PEAK1: variants seen among roughly 807,000 people sequenced by gnomAD.
PEAK1 encodes the protein inactive tyrosine-protein kinase PEAK1.
PEAK1 carries 54 observed loss-of-function variants against 124.7 expected under a neutral mutation model. The observed-to-expected ratio is 0.43, with a 90% CI of 0.35 to 0.54. The LOEUF (loss-of-function observed/expected upper bound fraction) is 0.54. Among genes scored for constraint, PEAK1 ranks in the 20% least tolerant of loss-of-function variants. The pLI is 0.01. For synonymous variants in PEAK1, 719 were observed against 760.0 expected, an observed-to-expected ratio of 0.95 and a Z score of 0.89; for missense variants, 2,046 against 2,134.5, an observed-to-expected ratio of 0.96 and a Z score of 0.82.
At chr15:77,257,546 T>C (rs1196870041) in intron 5 of PEAK1, among the ~76,000 whole-genome samples, 2 of 151,672 alleles carry the variant, frequency 1.3e-5, no homozygotes, top group East Asian at 3.8e-4. Context: ...TGTCTGTTCA[T>C]GTCCTTCGCC....
intron 2 of PEAK1, chr15:77,349,074 C>G: frequency 1.2e-6 from 1 of 836,192 alleles, no homozygotes; most frequent in Non-Finnish European, 1.4e-6. Context: ...GAGTCTCACT[C>G]TGTCGCCCAG....
intron 1 of PEAK1, among the ~76,000 whole-genome samples, chr15:77,375,196 G>A (rs2068916375): frequency 6.6e-6 from 1 of 152,252 alleles, no homozygotes; most frequent in Admixed American, 6.5e-5. Flanking sequence ...AGAATGCAAG[G>A]TGCTTTACCT....
rs558535205 is a variant in PEAK1 at position 77,401,797 on chromosome 15, A to G, written c.-666+18209T>C. The G allele has an allele frequency of 7.1e-6, 7 of 984,558 alleles. No homozygotes were observed. In the African/African-American group the frequency reaches 1.2e-4, roughly 17 times the overall value. 61.0% of individuals were successfully genotyped at this position (984,558 alleles called of 1,614,324 possible). ...TCTGTATTGGAATTTTAAAGTTCCA[A>G]TAAAAATTATTTACAACATGATTAC... On this transcript the variant is annotated intron_variant, in intron 1 of 9. Coordinates refer to ENST00000682557, the MANE Select transcript of PEAK1 (RefSeq NM_001385026.1).
intron 5 of PEAK1, among the ~76,000 whole-genome samples, chr15:77,264,784 C>T (rs2061628852): frequency 1.3e-5 from 2 of 152,110 alleles, no homozygotes; most frequent in African/African-American, 4.8e-5. Flanking sequence ...CAAAAAAGAG[C>T]CCGCATCGCC....
chr15:77,312,069 T>C (rs1567242351), intron 2 of PEAK1, among the ~76,000 whole-genome samples: 1 of 151,860 alleles, frequency 6.6e-6, no homozygotes, highest in Non-Finnish European at 1.5e-5. Context: ...GTAAAGGAAA[T>C]AAAGAAAACG....
At chr15:77,101,237 A>G (rs2050691255) in exon 7 of PEAK1, 1 of 152,222 alleles carries the variant, frequency 6.6e-6, no homozygotes, top group Non-Finnish European at 1.5e-5. Context: ...CTATGTCACC[A>G]TCGGCAGGTA....
chr15:77,334,697 T>C, intron 2 of PEAK1: 1 of 985,358 alleles, frequency 1.0e-6, no homozygotes, highest in Non-Finnish European at 1.2e-6. Flanking sequence ...TTTAACAATG[T>C]GTGTGCTACA....
chr15:77,345,618 A>C (rs1013276200), intron 2 of PEAK1, among the ~76,000 whole-genome samples: 1 of 152,228 alleles, frequency 6.6e-6, no homozygotes, highest in Non-Finnish European at 1.5e-5. Context: ...ACTGCGGCAT[A>C]CATCAATATA....
intron 3 of PEAK1, 30 bp from the exon 4 acceptor site, chr15:77,285,085 A>G (rs893871953): frequency 2.6e-5 from 4 of 151,634 alleles, no homozygotes; most frequent in African/African-American, 9.7e-5. Context: ...TCGTCTCAAA[A>G]AAAAAAAAAA....
intron 1 of PEAK1, among the ~76,000 whole-genome samples, chr15:77,415,370 T>C (rs548161540): frequency 6.6e-6 from 1 of 152,212 alleles, no homozygotes; most frequent in Non-Finnish European, 1.5e-5. Context: ...AACTACAGAC[T>C]ATCTTTTTTT....
At chr15:77,258,311 C>T (rs2061270308) in intron 5 of PEAK1, among the ~76,000 whole-genome samples, 1 of 152,146 alleles carries the variant, frequency 6.6e-6, no homozygotes, top group African/African-American at 2.4e-5. Context: ...TATAAATTAC[C>T]TTGGGCAGTA....
chr15:77,392,373 G>C (rs2070541047), intron 1 of PEAK1, among the ~76,000 whole-genome samples: 1 of 152,230 alleles, frequency 6.6e-6, no homozygotes, highest in African/African-American at 2.4e-5. Flanking sequence ...ATAGAATAAA[G>C]TAAAATATAG....
At chr15:77,278,553 C>A in intron 5 of PEAK1, 1 of 495,122 alleles carries the variant, frequency 2.0e-6, no homozygotes, top group Non-Finnish European at 4.0e-6. Flanking sequence ...AGGTTGTCTA[C>A]TAAACCTGCT....
chr15:77,318,532 G>A (rs2065011129), intron 2 of PEAK1, among the ~76,000 whole-genome samples: 1 of 152,104 alleles, frequency 6.6e-6, no homozygotes, highest in Non-Finnish European at 1.5e-5. Context: ...CAACGACAGA[G>A]TGGGATCTCA....
intron 2 of PEAK1, among the ~76,000 whole-genome samples, chr15:77,300,796 CTGTTA>C (rs1202303856): frequency 6.6e-6 from 1 of 151,996 alleles, no homozygotes; most frequent in African/African-American, 2.4e-5. Context: ...TTTCCTGTGG[CTGTTA>C]TAACAAATTA....
At chr15:77,187,678 G>A (rs949766323) in intron 6 of PEAK1, among the ~76,000 whole-genome samples, 2 of 152,136 alleles carry the variant, frequency 1.3e-5, no homozygotes, top group African/African-American at 2.4e-5. Context: ...TGTGACTCCC[G>A]AAGCCCACCA....
intron 9 of PEAK1, among the ~76,000 whole-genome samples, chr15:77,119,030 C>A (rs919282286): frequency 6.6e-6 from 1 of 152,218 alleles, no homozygotes; most frequent in Non-Finnish European, 1.5e-5. Context: ...AACTGTGCAG[C>A]AGGAGAACAA....
chr15:77,209,878 C>T (rs1426058396), intron 6 of PEAK1, among the ~76,000 whole-genome samples: 3 of 152,112 alleles, frequency 2.0e-5, no homozygotes, highest in African/African-American at 7.2e-5. Flanking sequence ...TTCATATTTC[C>T]GGCCTCCTGA....
intron 6 of PEAK1, among the ~76,000 whole-genome samples, chr15:77,248,316 C>A (rs577613919): frequency 6.6e-5 from 10 of 152,236 alleles, no homozygotes; most frequent in African/African-American, 2.2e-4. Flanking sequence ...GAATGATATC[C>A]TCATATATAA....
Sources: allele counts gnomAD v4.1 joint callset (sites outside exome capture counted in the v4.1 genomes callset), GRCh38; gene constraint gnomAD v4.1.1; transcripts MANE v1.5; gene names NCBI Gene and HGNC (gene_info 2026-07-23, HGNC 2026-07-21).